ZC3H15: variants seen among roughly 807,000 people sequenced by gnomAD.
The protein encoded by ZC3H15 is zinc finger CCCH-type containing 15.
In ZC3H15, 15 loss-of-function variants were observed where a neutral mutation model predicts 51.2. The observed-to-expected ratio is 0.29, with a 90% CI of 0.20 to 0.45. ZC3H15 has a LOEUF of 0.45. ZC3H15 is among the 20% of genes least tolerant of loss of function. The probability of loss-of-function intolerance (pLI) is 1.00; values close to 1 mark genes in which losing one functional copy is unlikely to be tolerated. For missense variants in ZC3H15, 381 were observed against 494.7 expected, an observed-to-expected ratio of 0.77 and a Z score of 2.18; for synonymous variants, 144 against 162.8, an observed-to-expected ratio of 0.88 and a Z score of 0.88.
intron 8 of ZC3H15, among the ~76,000 whole-genome samples, chr2:186,506,284 A>G (rs1189318282): frequency 1.3e-5 from 2 of 152,334 alleles, no homozygotes; most frequent in African/African-American, 4.8e-5. Flanking sequence ...ATTTAGTAAT[A>G]ACAGATAACT....
At chr2:186,506,016 AT>A (rs1425241003) in intron 8 of ZC3H15, 175 bp downstream of exon 8, 1 of 713,212 alleles carries the variant, frequency 1.4e-6, no homozygotes, top group Non-Finnish European at 2.5e-6. Context: ...GGACATAATG[AT>A]TATCTCTACA....
At chr2:186,487,717 A>C (rs2105583372) in intron 1 of ZC3H15, among the ~76,000 whole-genome samples, 1 of 152,304 alleles carries the variant, frequency 6.6e-6, no homozygotes, top group East Asian at 1.9e-4. Context: ...GATGGCATTC[A>C]CTTTTATGAA....
Position 186,506,815 on chromosome 2 carries a change from A to G in ZC3H15, c.1069A>G (p.Thr357Ala). The change falls in exon 9 of 10, where the codon ACA (threonine) becomes GCA (alanine). Residue 357 changes from threonine to alanine, a missense_variant. Physicochemically the swap from Thr to Ala is moderately conservative, Grantham distance 58. Around this residue, in one of 3 missense-constraint regions of ZC3H15, gnomAD observed 215 missense variants for 241.8 expected, o/e 0.89. Coordinates refer to ENST00000337859, the MANE Select transcript of ZC3H15 (RefSeq NM_018471.3). ...ITVASLERFS[T>A]YTSDKDENKL... ...TGTAGCCAGTCTTGAAAGATTCAGCACATATACTTCAGATAAAGATGGTAA... is the reference window on the plus strand; with the variant it reads ...TGTAGCCAGTCTTGAAAGATTCAGCGCATATACTTCAGATAAAGATGGTAA... 6.2e-7 allele frequency: 1 copy of G among 1,612,560 alleles called. No homozygotes were observed.
chr2:186,507,411 T>C, intron 9 of ZC3H15: 1 of 456,660 alleles, frequency 2.2e-6, no homozygotes, highest in Non-Finnish European at 4.4e-6. Flanking sequence ...GACATGGTCA[T>C]GGGAAGGGCT....
At chr2:186,506,206 A>G in intron 8 of ZC3H15, 1 of 339,638 alleles carries the variant, frequency 2.9e-6, no homozygotes, top group Non-Finnish European at 5.8e-6. Context: ...TTATGGGACA[A>G]GTGCACTAAT....
At chr2:186,503,200 T>C (rs1339220154) in intron 5 of ZC3H15, among the ~76,000 whole-genome samples, 2 of 152,186 alleles carry the variant, frequency 1.3e-5, no homozygotes, top group East Asian at 3.8e-4. Context: ...GGGCGGATAC[T>C]GTTTGTTAAT....
chr2:186,493,436 C>T (rs1384452177), intron 1 of ZC3H15, among the ~76,000 whole-genome samples: 1 of 152,098 alleles, frequency 6.6e-6, no homozygotes, highest in Non-Finnish European at 1.5e-5. Context: ...ACTTATTGCC[C>T]TCCCAGCTGG....
At chr2:186,499,563 G>A in intron 2 of ZC3H15, 1 of 455,960 alleles carries the variant, frequency 2.2e-6, no homozygotes, top group Non-Finnish European at 4.4e-6. Flanking sequence ...TAGATTCTGA[G>A]CTTCTTTAAA....
intron 3 of ZC3H15, 57 bp downstream of exon 3, chr2:186,500,350 CTATT>C (rs1685360457): frequency 1.5e-6 from 2 of 1,348,552 alleles, no homozygotes; most frequent in South Asian, 1.3e-5. Context: ...ATGCTAAAAA[CTATT>C]TATTTTGATG....
intron 5 of ZC3H15, among the ~76,000 whole-genome samples, chr2:186,503,621 T>C (rs1436794456): frequency 6.6e-6 from 1 of 152,210 alleles, no homozygotes; most frequent in African/African-American, 2.4e-5. Context: ...CAGCAGGTGA[T>C]CCGCCCGCCT....
intron 1 of ZC3H15, among the ~76,000 whole-genome samples, chr2:186,491,363 T>C (rs555842103): frequency 1.3e-5 from 2 of 152,262 alleles, no homozygotes; most frequent in South Asian, 4.1e-4. Context: ...ATATACTAGC[T>C]CCTTTGATTC....
intron 2 of ZC3H15, chr2:186,499,753 T>G (rs1319544570): frequency 5.6e-6 from 2 of 357,866 alleles, no homozygotes; most frequent in East Asian, 1.6e-4. Context: ...TAACCCAGTG[T>G]TTTTCCATGA....
Position 186,508,529 on chromosome 2 carries a change from G to GT in ZC3H15, c.1091-9dup. 6.2e-7 allele frequency: 1 copy of GT among 1,612,644 alleles called. No homozygotes were observed. Among genetic ancestry groups the GT allele is most frequent in the Non-Finnish European group, 8.5e-7 (1 of 1,179,218 alleles). On this transcript the variant is annotated splice_polypyrimidine_tract_variant and intron_variant, in intron 9 of 9. Transcript: ENST00000337859. ...CTGCTTCTACGCCTTACTGATTCCA[G>GT]TTTTTATATTTAGAAAACAAATTAA...
intron 9 of ZC3H15, among the ~76,000 whole-genome samples, chr2:186,508,178 A>T (rs1305072657): frequency 1.3e-5 from 2 of 152,098 alleles, no homozygotes. Flanking sequence ...TATTACAAAC[A>T]TTTTTTTGGT....
At chr2:186,497,449 C>T (rs982922432) in intron 2 of ZC3H15, among the ~76,000 whole-genome samples, 4 of 152,124 alleles carry the variant, frequency 2.6e-5, no homozygotes, top group South Asian at 2.1e-4. Context: ...TTTGGGAGGC[C>T]GGGGCGGGCA....
chr2:186,503,673 G>A (rs778462861), intron 5 of ZC3H15, among the ~76,000 whole-genome samples: 1 of 152,134 alleles, frequency 6.6e-6, no homozygotes, highest in Non-Finnish European at 1.5e-5. Context: ...AAGCCACAAC[G>A]CCTGGCCTGA....
At chr2:186,500,925 G>T (rs928566657) in intron 3 of ZC3H15, among the ~76,000 whole-genome samples, 2 of 151,954 alleles carry the variant, frequency 1.3e-5, no homozygotes, top group Non-Finnish European at 2.9e-5. Flanking sequence ...TGTCTGCCTC[G>T]GCCTCCCAGA....
intron 2 of ZC3H15, among the ~76,000 whole-genome samples, chr2:186,499,012 C>T (rs549985136): frequency 9.9e-5 from 15 of 152,284 alleles, no homozygotes; most frequent in Middle Eastern, 6.8e-3. Flanking sequence ...CACCTCTTAC[C>T]CTGAAACCTG....
chr2:186,498,298 T>C (rs1470898765), intron 2 of ZC3H15, among the ~76,000 whole-genome samples: 1 of 152,204 alleles, frequency 6.6e-6, no homozygotes, highest in African/African-American at 2.4e-5. Context: ...GCTGCCATGC[T>C]TCAGTGTGGA....
Sources: allele counts gnomAD v4.1 joint callset (sites outside exome capture counted in the v4.1 genomes callset), GRCh38; gene constraint gnomAD v4.1.1; regional missense constraint gnomAD v4.1.1; transcripts MANE v1.5; gene names NCBI Gene and HGNC (gene_info 2026-07-23, HGNC 2026-07-21).